The following CTNNA3 variants were observed in gnomAD, a reference collection of about 807,000 sequenced individuals.
The protein encoded by CTNNA3 is catenin alpha-3.
In CTNNA3, 76 loss-of-function variants were observed where a neutral mutation model predicts 95.7. That is an observed-to-expected ratio of 0.79 (90% CI 0.66 to 0.96). The LOEUF (loss-of-function observed/expected upper bound fraction) is 0.96, where lower values mean the gene tolerates loss of function less well. Ranked by LOEUF, CTNNA3 falls within the 40% of genes least tolerant of loss-of-function variation. CTNNA3 has a pLI of 0.00. For synonymous variants in CTNNA3, 431 were observed against 374.4 expected (o/e 1.15, Z -1.74); for missense variants, 1,191 against 1,089.8 (o/e 1.09, Z -1.31).
chr10:67,760,447 A>G (rs757353349), intron 1 of CTNNA3, among the ~76,000 whole-genome samples: 7 of 152,194 alleles, frequency 4.6e-5, no homozygotes, highest in Non-Finnish European at 1.0e-4. Flanking sequence ...TGTGTCACTT[A>G]ATGATATGTT....
At chr10:67,550,798 G>C (rs1015063999) in intron 3 of CTNNA3, among the ~76,000 whole-genome samples, 1 of 151,730 alleles carries the variant, frequency 6.6e-6, no homozygotes, top group African/African-American at 2.4e-5. Context: ...AAAGGCAAAA[G>C]TATCCTCACT....
At chr10:66,201,834 G>A (rs1381237287) in intron 13 of CTNNA3, among the ~76,000 whole-genome samples, 1 of 132,210 alleles carries the variant, frequency 7.6e-6, no homozygotes, top group Non-Finnish European at 1.6e-5. Flanking sequence ...TGTTGCCCAG[G>A]CTAGAGTGCA....
intron 5 of CTNNA3, among the ~76,000 whole-genome samples, chr10:67,353,397 C>T (rs1451926591): frequency 1.3e-5 from 2 of 151,936 alleles, no homozygotes; most frequent in African/African-American, 4.8e-5. Context: ...ACTGCAAGAA[C>T]TCCCTAAACT....
In CTNNA3 at chr10:66,199,805, ATTTTTTTTTT is replaced by A. The variant is rs1226520776; in HGVS notation, c.1884+80655_1884+80664del. Among the ~76,000 whole-genome samples the A allele has an allele frequency of 6.1e-3, 87 of 14,234 alleles. 1 individual carries two copies. Among genetic ancestry groups the A allele is most frequent in the African/African-American group, 9.0e-3 (23 of 2,548 alleles). 9.3% of individuals were successfully genotyped at this position (14,234 alleles called of 152,430 possible). A position where few individuals can be genotyped will look rare whatever the true frequency, so the allele number is the denominator to read the frequency against. Reference sequence around the variant, plus strand: ...TATATATATATATATATATATATATATTTTTTTTTTTTTTTTTTTTTTTTTTTTAGTAGAG... The same window carrying A: ...TATATATATATATATATATATATATATTTTTTTTTTTTTTTTTTAGTAGAG... On this transcript the variant is annotated intron_variant, in intron 13 of 17. Transcript: ENST00000433211.
Position 66,909,395 on chromosome 10 carries a change from A to T in CTNNA3, c.1048-133871T>A, listed in dbSNP as rs548065685. 7.2e-5 allele frequency among the ~76,000 whole-genome samples: 11 copies of T among 152,110 alleles called. 1 individual carries two copies. The highest frequency in any genetic ancestry group is 1.6e-4 in the Non-Finnish European group (11 of 68,016). On this transcript the variant is annotated intron_variant, in intron 7 of 17. Transcript: ENST00000433211. ...CATGGTGGCACATGCCTGTAATCCCATCTACTCAGGAGGTTGATGCAGGAG... is the reference window on the plus strand; with the variant it reads ...CATGGTGGCACATGCCTGTAATCCCTTCTACTCAGGAGGTTGATGCAGGAG...
intron 7 of CTNNA3, among the ~76,000 whole-genome samples, chr10:66,830,434 C>T (rs1842673743): frequency 7.0e-6 from 1 of 142,232 alleles, no homozygotes. Flanking sequence ...GAAGTACCGA[C>T]AGAGGTTAAG....
At chr10:66,369,300 G>A (rs1025299703) in intron 12 of CTNNA3, among the ~76,000 whole-genome samples, 3 of 152,086 alleles carry the variant, frequency 2.0e-5, no homozygotes, top group Admixed American at 6.6e-5. Context: ...AGTGGAAACC[G>A]CTTTCCAGCT....
intron 9 of CTNNA3, among the ~76,000 whole-genome samples, chr10:66,691,370 C>T (rs1847529941): frequency 6.6e-6 from 1 of 152,182 alleles, no homozygotes; most frequent in Non-Finnish European, 1.5e-5. Flanking sequence ...GCACAGCAGA[C>T]TGAGATCAAA....
intron 13 of CTNNA3, among the ~76,000 whole-genome samples, chr10:66,116,171 T>C (rs1415422807): frequency 1.3e-5 from 2 of 152,324 alleles, no homozygotes; most frequent in East Asian, 3.9e-4. Flanking sequence ...TTGTATAAGA[T>C]GTAGTCAGAT....
chr10:66,719,908 AT>A (rs1848572412), intron 9 of CTNNA3, among the ~76,000 whole-genome samples: 1 of 152,128 alleles, frequency 6.6e-6, no homozygotes, highest in Non-Finnish European at 1.5e-5. Context: ...AGGCGGGAAT[AT>A]GGACTCAGGC....
chr10:66,617,345 T>G (rs921852453), intron 10 of CTNNA3, among the ~76,000 whole-genome samples: 3 of 151,410 alleles, frequency 2.0e-5, no homozygotes, highest in African/African-American at 7.3e-5. Flanking sequence ...CAGCAGCACA[T>G]CAAAAAGCTT....
At chr10:67,630,584 G>A (rs1433455648) in intron 2 of CTNNA3, among the ~76,000 whole-genome samples, 2 of 152,114 alleles carry the variant, frequency 1.3e-5, no homozygotes, top group African/African-American at 2.4e-5. Flanking sequence ...ACAGGGGCTG[G>A]TAGGTAAACT....
intron 11 of CTNNA3, among the ~76,000 whole-genome samples, chr10:66,438,522 C>T (rs891483588): frequency 6.6e-6 from 1 of 152,156 alleles, no homozygotes; most frequent in Non-Finnish European, 1.5e-5. Context: ...CCTACTCAAG[C>T]CTCAGTAATG....
chr10:66,315,684 A>T (rs965223314), intron 12 of CTNNA3, among the ~76,000 whole-genome samples: 1 of 152,134 alleles, frequency 6.6e-6, no homozygotes, highest in African/African-American at 2.4e-5. Flanking sequence ...TGAGGCTGAT[A>T]AAAGGCAATA....
At chr10:65,942,469 C>T (rs1336851786) in intron 17 of CTNNA3, among the ~76,000 whole-genome samples, 1 of 152,138 alleles carries the variant, frequency 6.6e-6, no homozygotes, top group Non-Finnish European at 1.5e-5. Flanking sequence ...GCAGAGGTTG[C>T]AGTGAGTCAA....
intron 5 of CTNNA3, among the ~76,000 whole-genome samples, chr10:67,482,434 G>A (rs984436860): frequency 2.6e-5 from 4 of 151,794 alleles, no homozygotes; most frequent in African/African-American, 9.7e-5. Context: ...TTGAGCAGTG[G>A]TTTGTAGTTC....
intron 9 of CTNNA3, among the ~76,000 whole-genome samples, chr10:66,686,856 A>G (rs1447961682): frequency 6.6e-6 from 1 of 152,188 alleles, no homozygotes; most frequent in East Asian, 1.9e-4. Flanking sequence ...AGAACAAACC[A>G]ATAAATCTCT....
At chr10:66,067,023 G>GGAC (rs2080327481) in intron 15 of CTNNA3, among the ~76,000 whole-genome samples, 1 of 151,706 alleles carries the variant, frequency 6.6e-6, no homozygotes, top group Admixed American at 6.6e-5. Context: ...CCAAAATGAA[G>GGAC]GACTTAGAAG....
At chr10:66,287,434 T>C (rs2091607656) in intron 12 of CTNNA3, among the ~76,000 whole-genome samples, 1 of 152,008 alleles carries the variant, frequency 6.6e-6, no homozygotes. Flanking sequence ...CTCAGGAAAG[T>C]AGTAGGTAGT....
Sources: allele counts gnomAD v4.1 joint callset (sites outside exome capture counted in the v4.1 genomes callset), GRCh38; gene constraint gnomAD v4.1.1; transcripts MANE v1.5; gene names NCBI Gene and HGNC (gene_info 2026-07-23, HGNC 2026-07-21).